The following TRIM24 variants were observed in gnomAD, a reference collection of about 807,000 sequenced individuals.
The protein encoded by TRIM24 is tripartite motif containing 24.
Under a neutral mutation model 123.9 loss-of-function variants are expected in TRIM24, and 29 were observed. The observed-to-expected ratio is 0.23, with a 90% CI of 0.17 to 0.32. The LOEUF is 0.32. TRIM24 is among the 10% of genes least tolerant of loss of function. The probability of loss-of-function intolerance (pLI) is 1.00; values close to 1 mark genes in which losing one functional copy is unlikely to be tolerated. For missense variants in TRIM24, 932 were observed against 1,295.3 expected, an observed-to-expected ratio of 0.72 and a Z score of 4.31; for synonymous variants, 456 against 461.1, an observed-to-expected ratio of 0.99 and a Z score of 0.14.
chr7:138,463,989 C>CTTATTTTTTTTTTTTT (rs1795072335), intron 1 of TRIM24, among the ~76,000 whole-genome samples: 1 of 50,766 alleles, frequency 2.0e-5, no homozygotes, highest in Non-Finnish European at 3.6e-5. Context: ...AAAATTTAGA[C>CTTATTTTTTTTTTTTT]TTTTTTTTTT....
At chr7:138,572,333 C>A (rs1289341608) in intron 11 of TRIM24, among the ~76,000 whole-genome samples, 1 of 152,176 alleles carries the variant, frequency 6.6e-6, no homozygotes, top group Non-Finnish European at 1.5e-5. Context: ...TGAATTTAGT[C>A]ATTCTAGTAC....
In TRIM24 at chr7:138,564,331, C is replaced by T. The variant is rs74627677; in HGVS notation, c.1531-3150C>T. On this transcript the variant is annotated intron_variant, in intron 9 of 18. Coordinates refer to ENST00000343526, the MANE Select transcript of TRIM24 (RefSeq NM_015905.3). ...TTTCTTCCCTGACCTCCTGGGGCTCCGATCTTTCCTTTTGGGGTGAGTCTT... is the reference window on the plus strand; with the variant it reads ...TTTCTTCCCTGACCTCCTGGGGCTCTGATCTTTCCTTTTGGGGTGAGTCTT... Among the ~76,000 whole-genome samples the T allele has an allele frequency of 2.2e-3, 342 of 152,240 alleles. 7 individuals are homozygous for T. In the East Asian group the frequency reaches 0.058, roughly 26 times the overall value.
chr7:138,582,729 AT>A (rs1416541119), intron 17 of TRIM24, among the ~76,000 whole-genome samples: 1 of 151,892 alleles, frequency 6.6e-6, no homozygotes, highest in Non-Finnish European at 1.5e-5. Flanking sequence ...CAAAAAAAAA[AT>A]TTTTTTTCAT....
chr7:138,524,547 A>G (rs1277769673), intron 4 of TRIM24, among the ~76,000 whole-genome samples: 2 of 152,216 alleles, frequency 1.3e-5, no homozygotes, highest in Admixed American at 6.5e-5. Context: ...ATCACATTAT[A>G]TAAAATTGTT....
chr7:138,499,190 TTA>T (rs1170970282), intron 1 of TRIM24, among the ~76,000 whole-genome samples: 18 of 152,198 alleles, frequency 1.2e-4, no homozygotes, highest in African/African-American at 4.3e-4. Flanking sequence ...GTTAACCCCT[TTA>T]TCATGTTCTC....
chr7:138,480,108 C>T (rs993995084), intron 1 of TRIM24, among the ~76,000 whole-genome samples: 3 of 139,872 alleles, frequency 2.1e-5, no homozygotes, highest in Admixed American at 1.5e-4. Flanking sequence ...TGTAAGCCAC[C>T]GCACCCGGGC....
chr7:138,551,215 C>T (rs753977659), intron 8 of TRIM24, 35 bp downstream of exon 8: 1 of 1,521,060 alleles, frequency 6.6e-7, no homozygotes, highest in South Asian at 1.1e-5. Context: ...TTCTCAGTGG[C>T]ATTTGTCTGT....
At chr7:138,475,722 G>T (rs1001970950) in intron 1 of TRIM24, among the ~76,000 whole-genome samples, 5 of 152,164 alleles carry the variant, frequency 3.3e-5, no homozygotes, top group Non-Finnish European at 1.5e-5. Flanking sequence ...TGTTGGCCAA[G>T]CTGGTCTCGA....
chr7:138,460,764 C>G lies in TRIM24; in HGVS notation c.216C>G (p.Pro72=). ...AGAGCCGGGCGCCCAAGCTGCTGCCCTGCCTGCACTCTTTCTGCCAGCGCT... is the reference window on the plus strand; with the variant it reads ...AGAGCCGGGCGCCCAAGCTGCTGCCGTGCCTGCACTCTTTCTGCCAGCGCT... ...NIQSRAPKLL[P]CLHSFCQRCL... Residue 72 remains proline, a synonymous_variant, in exon 1 of 19, where the codon CCC becomes CCG. Coordinates refer to ENST00000343526, the MANE Select transcript of TRIM24 (RefSeq NM_015905.3). The G allele has an allele frequency of 6.3e-7, 1 of 1,581,734 alleles. No homozygotes were observed. The highest frequency in any genetic ancestry group is 8.6e-7 in the Non-Finnish European group (1 of 1,166,810).
At chr7:138,566,342 C>G (rs1797535434) in intron 9 of TRIM24, among the ~76,000 whole-genome samples, 1 of 151,952 alleles carries the variant, frequency 6.6e-6, no homozygotes, top group African/African-American at 2.4e-5. Context: ...ATGGCAAAAC[C>G]CCATCTCTAC....
chr7:138,485,981 C>T (rs981634505), intron 1 of TRIM24, among the ~76,000 whole-genome samples: 4 of 152,180 alleles, frequency 2.6e-5, no homozygotes, highest in African/African-American at 7.2e-5. Context: ...TCCTATTTCT[C>T]CACATCCTCT....
intron 8 of TRIM24, among the ~76,000 whole-genome samples, chr7:138,553,112 T>G (rs1797244904): frequency 6.6e-6 from 1 of 152,242 alleles, no homozygotes; most frequent in African/African-American, 2.4e-5. Flanking sequence ...TCTAATAGTT[T>G]GTGAAACCGA....
intron 5 of TRIM24, among the ~76,000 whole-genome samples, chr7:138,526,316 A>G (rs1411983548): frequency 5.3e-5 from 8 of 152,178 alleles, no homozygotes; most frequent in Admixed American, 5.2e-4. Context: ...ATTTTTACAC[A>G]TAGTTTTACC....
intron 2 of TRIM24, among the ~76,000 whole-genome samples, chr7:138,504,903 G>GGT (rs1189896440): frequency 6.6e-6 from 1 of 151,978 alleles, no homozygotes; most frequent in African/African-American, 2.4e-5. Flanking sequence ...TGGGATTACA[G>GGT]GTGTGTGCCA....
chr7:138,508,868 G>A (rs979342355), intron 2 of TRIM24, among the ~76,000 whole-genome samples: 2 of 151,990 alleles, frequency 1.3e-5, no homozygotes, highest in African/African-American at 4.8e-5. Context: ...AATATTTGGA[G>A]ACCACAGTAT....
intron 1 of TRIM24, among the ~76,000 whole-genome samples, chr7:138,489,783 G>T (rs190127267): frequency 3.0e-4 from 46 of 152,142 alleles, no homozygotes; most frequent in Admixed American, 1.4e-3. Context: ...CGCGCTTAAC[G>T]TTTTTTCCTT....
At chr7:138,508,676 T>TGTGTGCGC (rs1276849782) in intron 2 of TRIM24, among the ~76,000 whole-genome samples, 1 of 55,760 alleles carries the variant, frequency 1.8e-5, no homozygotes, top group African/African-American at 7.7e-5. Context: ...TGTGTGTGTG[T>TGTGTGCGC]GTGTGTGTGT....
chr7:138,500,195 C>T (rs182792906), intron 1 of TRIM24, among the ~76,000 whole-genome samples: 1 of 152,194 alleles, frequency 6.6e-6, no homozygotes, highest in East Asian at 1.9e-4. Context: ...ACTAAAACTT[C>T]ACAGAAAGGA....
At chr7:138,480,118 C>T (rs1184541863) in intron 1 of TRIM24, among the ~76,000 whole-genome samples, 2 of 54,642 alleles carry the variant, frequency 3.7e-5, no homozygotes, top group African/African-American at 7.5e-5. Flanking sequence ...CGCACCCGGG[C>T]CATGAATTAA....
Sources: allele counts gnomAD v4.1 joint callset (sites outside exome capture counted in the v4.1 genomes callset), GRCh38; gene constraint gnomAD v4.1.1; transcripts MANE v1.5; gene names NCBI Gene and HGNC (gene_info 2026-07-23, HGNC 2026-07-21).